Variants in POLB observed in about 807,000 individuals in gnomAD.
POLB encodes the protein DNA polymerase beta.
POLB carries 37 observed loss-of-function variants against 52.7 expected under a neutral mutation model. The observed-to-expected ratio is 0.70, with a 90% confidence interval of 0.54 to 0.92. The LOEUF (loss-of-function observed/expected upper bound fraction) is 0.92. Among genes scored for constraint, POLB ranks in the 40% least tolerant of loss-of-function variants. The probability of loss-of-function intolerance (pLI) is 0.00; values close to 1 mark genes in which losing one functional copy is unlikely to be tolerated. For synonymous variants in POLB, 138 were observed against 131.3 expected, an observed-to-expected ratio of 1.05 and a Z score of -0.35; for missense variants, 313 against 400.8, an observed-to-expected ratio of 0.78 and a Z score of 1.87.
intron 2 of POLB, 59 bp downstream of exon 2, chr8:42,339,128 C>T: frequency 7.6e-7 from 1 of 1,320,724 alleles, no homozygotes; most frequent in Non-Finnish European, 1.1e-6. Flanking sequence ...TTTAGTGTGG[C>T]AATTAACAGG....
intron 6 of POLB, 88 bp downstream of exon 6, chr8:42,352,656 C>G: frequency 1.3e-6 from 1 of 790,944 alleles, no homozygotes; most frequent in Non-Finnish European, 2.3e-6. Context: ...TTGAAAAACC[C>G]ATTCTCAATC....
intron 3 of POLB, among the ~76,000 whole-genome samples, chr8:42,347,235 T>C (rs1274455142): frequency 6.6e-6 from 1 of 151,720 alleles, no homozygotes; most frequent in East Asian, 1.9e-4. Context: ...AGAGTTGCTA[T>C]CTAGCCCATT....
intron 5 of POLB, among the ~76,000 whole-genome samples, chr8:42,351,581 C>T (rs1317665079): frequency 2.6e-5 from 4 of 152,192 alleles, no homozygotes; most frequent in Non-Finnish European, 5.9e-5. Flanking sequence ...CAAATCGCTT[C>T]ATCTTTCTAG....
chr8:42,344,777 T>C (rs1292055585), intron 2 of POLB, among the ~76,000 whole-genome samples, 176 bp from the exon 3 acceptor site: 3 of 151,982 alleles, frequency 2.0e-5, no homozygotes, highest in Non-Finnish European at 4.4e-5. Flanking sequence ...ATCGCGCTGC[T>C]GCACTCCAGC....
rs537579197 is a variant in POLB at position 42,341,252 on chromosome 8, T to C, written c.119+2183T>C. On this transcript the variant is annotated intron_variant, in intron 2 of 13. Coordinates refer to ENST00000265421, the MANE Select transcript of POLB (RefSeq NM_002690.3). Reference sequence around the variant, plus strand: ...GATAAAACCCAAATACATCATAGCATACAAAAGGCCTTTCATCTGATTCTT... The same window carrying C: ...GATAAAACCCAAATACATCATAGCACACAAAAGGCCTTTCATCTGATTCTT... 5.3e-5 allele frequency among the ~76,000 whole-genome samples: 8 copies of C among 152,358 alleles called. No homozygotes were observed. The South Asian group carries it at 1.4e-3, about 28-fold the overall frequency.
chr8:42,342,943 C>T (rs2130776408), intron 2 of POLB, among the ~76,000 whole-genome samples: 1 of 152,078 alleles, frequency 6.6e-6, no homozygotes, highest in East Asian at 1.9e-4. Flanking sequence ...AATCCTAGCA[C>T]TTTGGGAGAC....
At chr8:42,340,374 C>T (rs1019591548) in intron 2 of POLB, among the ~76,000 whole-genome samples, 1 of 152,136 alleles carries the variant, frequency 6.6e-6, no homozygotes, top group Non-Finnish European at 1.5e-5. Flanking sequence ...ATTATTAAAA[C>T]GACTATATAA....
intron 11 of POLB, among the ~76,000 whole-genome samples, chr8:42,362,992 C>T (rs1027368416): frequency 2.0e-5 from 3 of 151,722 alleles, no homozygotes; most frequent in Non-Finnish European, 2.9e-5. Flanking sequence ...GGCGTGGTGG[C>T]GCATGCCTGT....
rs952416954 is a variant in POLB, at chr8:42,370,115, C to T, written c.913+127C>T. On this transcript the variant is annotated intron_variant, in intron 13 of 13. Transcript: ENST00000265421. Reference sequence around the variant, plus strand: ...AGTGTAGTTTCTTTGTATTTTTAGTCCTTCAGGCAACGAGAGAGGATTTAA... The same window carrying T: ...AGTGTAGTTTCTTTGTATTTTTAGTTCTTCAGGCAACGAGAGAGGATTTAA... 5.2e-6 allele frequency: 4 copies of T among 767,812 alleles called. No homozygotes were observed. In the African/African-American group the frequency reaches 6.8e-5, roughly 13 times the overall value. The allele number at this position is 767,812 out of a possible 1,614,324, so 47.6% of individuals were successfully genotyped here. A position where few individuals can be genotyped will look rare whatever the true frequency, so the allele number is the denominator to read the frequency against.
chr8:42,358,744 G>T (rs986338674), intron 9 of POLB, among the ~76,000 whole-genome samples: 1 of 152,048 alleles, frequency 6.6e-6, no homozygotes. Context: ...ATTGGACTGG[G>T]GTCAAAAGAC....
chr8:42,344,167 G>C (rs1343521072), intron 2 of POLB, among the ~76,000 whole-genome samples: 1 of 149,078 alleles, frequency 6.7e-6, no homozygotes, highest in Non-Finnish European at 1.5e-5. Flanking sequence ...AAAGTGGCCG[G>C]GAGTGGTGGT....
chr8:42,357,360 A>G lies in POLB; in HGVS notation c.518A>G (p.Tyr173Cys), dbSNP rs1563401067. The G allele has an allele frequency of 6.3e-7, 1 of 1,580,274 alleles. No homozygotes were observed. ...LNEVKKVDSEYIATVCGSFRR... is the reference protein window; with the variant it reads ...LNEVKKVDSECIATVCGSFRR... ...GAAGTTAAAAAAGTGGATTCTGAATACATTGCTACAGTCTGTGGCAGTTTC... is the reference window on the plus strand; with the variant it reads ...GAAGTTAAAAAAGTGGATTCTGAATGCATTGCTACAGTCTGTGGCAGTTTC... The change falls in exon 9 of 14, where the codon TAC becomes TGC. Residue 173 changes from tyrosine to cysteine, a missense_variant. By Grantham distance (194) the Tyr-to-Cys change is radical. This residue lies in a region of POLB where 246 missense variants were observed against 297.6 expected (regional missense o/e 0.83). Transcript: ENST00000265421.
At chr8:42,363,926 CT>C (rs766603558) in intron 11 of POLB, among the ~76,000 whole-genome samples, 142 of 132,312 alleles carry the variant, frequency 1.1e-3, no homozygotes, top group Middle Eastern at 3.8e-3. Context: ...AATTACGATT[CT>C]TTTTTTTTTT....
At chr8:42,363,330 C>T (rs774523407) in intron 11 of POLB, among the ~76,000 whole-genome samples, 6 of 151,382 alleles carry the variant, frequency 4.0e-5, no homozygotes, top group Non-Finnish European at 8.8e-5. Context: ...TGATCAAGAC[C>T]ATCCTGGCCA....
In POLB at chr8:42,349,992, T is replaced by C. The variant is rs187073233; in HGVS notation, c.262-15T>C. 1.4e-5 allele frequency: 22 copies of C among 1,584,484 alleles called. No homozygotes were observed. In the Admixed American group the frequency reaches 1.8e-4, roughly 13 times the overall value. On this transcript the variant is annotated splice_polypyrimidine_tract_variant and intron_variant, in intron 4 of 13. Coordinates refer to ENST00000265421, the MANE Select transcript of POLB (RefSeq NM_002690.3). Reference sequence around the variant, plus strand: ...GCATTCCTAAATCATTGTTAGACTTTTTTTTTTCTTAAAGATTCGGCAGGA... The same window carrying C: ...GCATTCCTAAATCATTGTTAGACTTCTTTTTTTCTTAAAGATTCGGCAGGA...
chr8:42,355,666 C>G (rs145822844), intron 7 of POLB, 99 bp downstream of exon 7: 1 of 692,076 alleles, frequency 1.4e-6, no homozygotes, highest in Non-Finnish European at 2.6e-6. Context: ...CTTAGCTAAA[C>G]CACAACCATT....
chr8:42,352,197 C>T (rs1172732563), intron 5 of POLB, among the ~76,000 whole-genome samples: 1 of 152,182 alleles, frequency 6.6e-6, no homozygotes, highest in Non-Finnish European at 1.5e-5. Context: ...ATTTTCAGCA[C>T]CCAGGAAAGT....
chr8:42,340,712 T>C (rs1211572317), intron 2 of POLB, among the ~76,000 whole-genome samples: 1 of 152,230 alleles, frequency 6.6e-6, no homozygotes. Context: ...TCCACATTTT[T>C]AGCCCTATAC....
Position 42,362,264 on chromosome 8 carries a change from AAAATAAAAT to A in POLB, c.622-344_622-336del, listed in dbSNP as rs1563405034. Among the ~76,000 whole-genome samples the A allele has an allele frequency of 2.0e-3, 300 of 147,786 alleles. 2 individuals carry two copies. Among genetic ancestry groups the A allele is most frequent in the Middle Eastern group, 0.01 (3 of 292 alleles). ...ACAGAACGAGACTCCATCTAAAAAT[AAAATAAAAT>A]AAAATAAAATAAAATAAAATAAAAT... On this transcript the variant is annotated intron_variant, in intron 10 of 13. Coordinates refer to ENST00000265421, the MANE Select transcript of POLB (RefSeq NM_002690.3).
Sources: gnomAD v4.1 joint callset for allele counts (sites outside exome capture counted in the v4.1 genomes callset) on GRCh38, gnomAD v4.1.1 for gene constraint, gnomAD v4.1.1 regional missense constraint, MANE v1.5 for transcripts, NCBI Gene and HGNC (gene_info 2026-07-23, HGNC 2026-07-21) for gene names.